DACH2: variants seen among roughly 807,000 people sequenced by gnomAD.
DACH2 encodes dachshund family transcription factor 2, also known as dachshund homolog 2.
DACH2 carries 17 observed loss-of-function variants against 35.8 expected under a neutral mutation model. That is an observed-to-expected ratio of 0.48 (90% CI 0.33 to 0.71). The LOEUF is 0.71. Among genes scored for constraint, DACH2 ranks in the 30% least tolerant of loss-of-function variants. The pLI, the probability that DACH2 is intolerant of heterozygous loss-of-function variation, is 0.02. For synonymous variants in DACH2, 195 were observed against 177.3 expected (o/e 1.10, Z -0.79); for missense variants, 469 against 472.7 (o/e 0.99, Z 0.07).
In DACH2 at chrX:86,521,091, T is replaced by C. The variant is rs188406879; in HGVS notation, c.640+6700T>C. On this transcript the variant is annotated intron_variant, in intron 3 of 11. Coordinates refer to ENST00000373125, the MANE Select transcript of DACH2 (RefSeq NM_053281.3). The stretch of plus-strand genomic sequence containing the variant: ...CTTTCAAGATCTTTTGTAAGACAGG[T>C]CTGGTGGTAAGGAATTCATTCAACA... 6.3e-5 allele frequency among the ~76,000 whole-genome samples: 7 copies of C among 111,814 alleles called. No homozygotes were observed. In the East Asian group the frequency reaches 2.0e-3, roughly 32 times the overall value.
At chrX:86,438,225 T>TC in intron 2 of DACH2, among the ~76,000 whole-genome samples, 1 of 102,301 alleles carries the variant, frequency 9.8e-6, no homozygotes, top group African/African-American at 3.6e-5. Flanking sequence ...GTAGGTTTTT[T>TC]TTTTTTTTTT....
intron 1 of DACH2, among the ~76,000 whole-genome samples, chrX:86,342,919 C>A (rs1283479506): frequency 8.9e-6 from 1 of 111,806 alleles, no homozygotes; most frequent in Non-Finnish European, 1.9e-5. Context: ...TGTCCACCGG[C>A]AAAAGGATTA....
chrX:86,400,689 C>G (rs1217233438), intron 2 of DACH2, among the ~76,000 whole-genome samples: 1 of 111,832 alleles, frequency 8.9e-6, no homozygotes, highest in Non-Finnish European at 1.9e-5. Context: ...TTCTGCAGAA[C>G]AGCGGATATT....
chrX:86,612,344 T>A (rs1439617856), intron 3 of DACH2, among the ~76,000 whole-genome samples: 2 of 109,096 alleles, frequency 1.8e-5, no homozygotes, highest in Non-Finnish European at 3.8e-5. Flanking sequence ...TGCAAGCACT[T>A]CCTCAGCTGG....
At chrX:86,204,052 T>C (rs761635651) in intron 1 of DACH2, among the ~76,000 whole-genome samples, 1 of 111,888 alleles carries the variant, frequency 8.9e-6, no homozygotes, top group South Asian at 3.7e-4. Flanking sequence ...CAACATCAAA[T>C]TAAGCAGAAG....
intron 1 of DACH2, among the ~76,000 whole-genome samples, chrX:86,318,301 C>T (rs1413717067): frequency 2.7e-5 from 3 of 111,516 alleles, no homozygotes; most frequent in Non-Finnish European, 5.6e-5. Flanking sequence ...AACTCTCATT[C>T]TGCTTGATAT....
At chrX:86,795,135 G>C (rs947805299) in intron 7 of DACH2, among the ~76,000 whole-genome samples, 3 of 111,139 alleles carry the variant, frequency 2.7e-5, no homozygotes, top group African/African-American at 9.8e-5. Context: ...AAGGCAGTGA[G>C]CAAAGTGATC....
chrX:86,685,280 C>T (rs2040929127), intron 4 of DACH2, among the ~76,000 whole-genome samples: 1 of 112,036 alleles, frequency 8.9e-6, no homozygotes. Flanking sequence ...TGGCCAACCA[C>T]TGCCCTGCTG....
chrX:86,347,502 T>C (rs956231581), intron 1 of DACH2, among the ~76,000 whole-genome samples: 2 of 112,849 alleles, frequency 1.8e-5, no homozygotes, highest in African/African-American at 6.4e-5. Flanking sequence ...AGCTCATTTG[T>C]AAAGTTTACA....
rs748487552 is a variant in DACH2 at position 86,831,140 on chromosome X, A to G, written c.1751-966A>G. 6.3e-5 allele frequency: 7 copies of G among 111,277 alleles called. No homozygotes were observed. The East Asian group carries it at 2.0e-3, about 31-fold the overall frequency. The allele number at this position is 111,277 out of a possible 1,213,427, so 9.2% of individuals were successfully genotyped here. ...CTAGAAAATTCTGCCACTCACCATG[A>G]TACCTTATACACAGAAAGAATAAAG... On this transcript the variant is annotated intron_variant, in intron 11 of 11. Transcript: ENST00000373125.
chrX:86,820,994 C>T (rs1034380879), intron 11 of DACH2, among the ~76,000 whole-genome samples: 2 of 110,627 alleles, frequency 1.8e-5, no homozygotes, highest in African/African-American at 6.6e-5. Flanking sequence ...TGAAAGGGAG[C>T]CAGAAAAAAT....
chrX:86,627,273 A>G (rs771719669), intron 3 of DACH2, among the ~76,000 whole-genome samples: 1 of 111,783 alleles, frequency 8.9e-6, no homozygotes, highest in Non-Finnish European at 1.9e-5. Flanking sequence ...TTGCTAAAGT[A>G]TAGCAAGAGT....
chrX:86,326,942 A>C (rs1282917628), intron 1 of DACH2, among the ~76,000 whole-genome samples: 1 of 111,727 alleles, frequency 9.0e-6, no homozygotes, highest in Non-Finnish European at 1.9e-5. Flanking sequence ...TCATGTATCC[A>C]TCCACCCATC....
At chrX:86,684,233 T>G (rs2040915919) in intron 4 of DACH2, among the ~76,000 whole-genome samples, 2 of 112,053 alleles carry the variant, frequency 1.8e-5, no homozygotes, top group Non-Finnish European at 3.8e-5. Context: ...GACTGCATTA[T>G]GGTTTCCCTA....
chrX:86,764,705 C>G (rs1449413009), intron 7 of DACH2, among the ~76,000 whole-genome samples: 1 of 111,199 alleles, frequency 9.0e-6, no homozygotes, highest in Non-Finnish European at 1.9e-5. Context: ...GTGCATGTGC[C>G]TTTTTGATAG....
intron 3 of DACH2, among the ~76,000 whole-genome samples, chrX:86,556,245 C>T (rs1320419738): frequency 1.8e-5 from 2 of 111,275 alleles, no homozygotes; most frequent in Non-Finnish European, 3.8e-5. Flanking sequence ...GAGGGCCTAA[C>T]TCTCATTTAT....
intron 4 of DACH2, among the ~76,000 whole-genome samples, chrX:86,662,239 G>C (rs906180258): frequency 6.3e-5 from 7 of 111,306 alleles, no homozygotes; most frequent in African/African-American, 2.3e-4. Context: ...TCAGATTAAG[G>C]GGGAGGAAAT....
rs747920167 is a variant in DACH2 at position 86,765,846 on chromosome X, G to A, written c.1240+25964G>A. ...TTGAATCCGTAAATTGCTTTGAGCA[G>A]TGTAGTCATTTTAACTATATTGATA... is the stretch of plus-strand genomic sequence containing the variant. On this transcript the variant is annotated intron_variant, in intron 7 of 11. Transcript: ENST00000373125. 2.4e-3 allele frequency among the ~76,000 whole-genome samples: 257 copies of A among 106,921 alleles called. 1 individual carries two copies. Among genetic ancestry groups the A allele is most frequent in the Middle Eastern group, 9.6e-3 (2 of 208 alleles). 92.8% of individuals were successfully genotyped at this position (106,921 alleles called of 115,157 possible). A position where few individuals can be genotyped will look rare whatever the true frequency, so the allele number is the denominator to read the frequency against.
At chrX:86,205,482 CTCCTTCCCTCCTTCCT>C (rs1569301603) in intron 1 of DACH2, among the ~76,000 whole-genome samples, 33 of 43,439 alleles carry the variant, frequency 7.6e-4, no homozygotes, top group African/African-American at 2.7e-3. Flanking sequence ...CCCTCCTTCC[CTCCTTCCCTCCTTCCT>C]TCCTTCCTTC....
Sources: gnomAD v4.1 joint callset for allele counts (sites outside exome capture counted in the v4.1 genomes callset) on GRCh38, gnomAD v4.1.1 for gene constraint, MANE v1.5 for transcripts, NCBI Gene and HGNC (gene_info 2026-07-23, HGNC 2026-07-21) for gene names.